CMTR1: variants seen among roughly 807,000 people sequenced by gnomAD.
CMTR1 encodes the protein cap methyltransferase 1.
In CMTR1, 39 loss-of-function variants were observed where a neutral mutation model predicts 107.0. That is an observed-to-expected ratio of 0.36 (90% CI 0.28 to 0.48). The LOEUF is 0.48. Among genes scored for constraint, CMTR1 ranks in the 20% least tolerant of loss-of-function variants. CMTR1 has a pLI of 0.99. For missense variants in CMTR1, 672 were observed against 1,064.9 expected, an observed-to-expected ratio of 0.63 and a Z score of 5.14; for synonymous variants, 366 against 379.5, an observed-to-expected ratio of 0.96 and a Z score of 0.41.
At chr6:37,470,929 TG>T in intron 13 of CMTR1, 91 bp from the exon 14 acceptor site, 1 of 986,012 alleles carries the variant, frequency 1.0e-6, no homozygotes, top group Non-Finnish European at 1.5e-6. Context: ...CAAATATAGA[TG>T]GCCACTGCTC....
At position 37,437,497 on chromosome 6, in the gene CMTR1, A is replaced by G. The variant is rs951641174; in HGVS notation, c.133+1735A>G. 3.1e-4 allele frequency among the ~76,000 whole-genome samples: 43 copies of G among 139,578 alleles called. 1 individual carries two copies. Among genetic ancestry groups the G allele is most frequent in the Non-Finnish European group, 5.9e-4 (39 of 66,092 alleles). 91.6% of individuals were successfully genotyped at this position (139,578 alleles called of 152,430 possible). ...AGCCGAGATTGTGCCACTGCACTACACGGAGCAAGAGTCCGTCTCAAAAAA... is the reference window on the plus strand; with the variant it reads ...AGCCGAGATTGTGCCACTGCACTACGCGGAGCAAGAGTCCGTCTCAAAAAA... On this transcript the variant is annotated intron_variant, in intron 2 of 23. Transcript: ENST00000373451.
chr6:37,451,888 G>T lies in CMTR1; in HGVS notation c.609+11G>T, dbSNP rs751822397. The T allele has an allele frequency of 1.2e-6, 2 of 1,609,240 alleles. No homozygotes were observed. Among genetic ancestry groups the T allele is most frequent in the Non-Finnish European group, 1.7e-6 (2 of 1,176,994 alleles). On this transcript the variant is annotated intron_variant, in intron 6 of 23. Coordinates refer to ENST00000373451, the MANE Select transcript of CMTR1 (RefSeq NM_015050.3). ...GTGTTGCAGTGTAAGGTAAGGTCTT[G>T]TGGCTAGAACCAGATAATGAAAACC...
In CMTR1 at chr6:37,480,966, C is replaced by A; in HGVS notation, c.*821C>A. The A allele has an allele frequency of 7.9e-7, 1 of 1,268,474 alleles. No individual in the cohort carries two copies. The highest frequency in any genetic ancestry group is 2.5e-5 in the Admixed American group (1 of 39,862). 78.6% of individuals were successfully genotyped at this position (1,268,474 alleles called of 1,614,324 possible). On this transcript the variant is annotated 3_prime_UTR_variant, in exon 24 of 24. Coordinates refer to ENST00000373451, the MANE Select transcript of CMTR1 (RefSeq NM_015050.3). The stretch of plus-strand genomic sequence containing the variant: ...TCCCCCACAGCAGCAGGGGCCCCAG[C>A]AGTAACAAAGGGTACCTCCAGGGGT...
chr6:37,436,346 G>A (rs1771531670), intron 2 of CMTR1: 1 of 152,204 alleles, frequency 6.6e-6, no homozygotes, highest in South Asian at 2.1e-4. Context: ...TCTGAGGAAT[G>A]GTAAAATGTC....
In CMTR1 at chr6:37,479,187, G is replaced by A. The variant is rs145196415; in HGVS notation, c.2307G>A (p.Lys769=). The change falls in exon 23 of 24, where the codon AAG becomes AAA. Residue 769 remains lysine (K), a synonymous_variant. Transcript: ENST00000373451. ...GATTCAGCAAAAGCTTCAAGAAGAA[G>A]TTCTTCTACAACAAGAAAACCAAGG... The part of the protein sequence containing the change: ...TMGFSKSFKK[K]FFYNKKTKDS... 45 of 1,614,042 alleles carry A rather than the reference G, an allele frequency of 2.8e-5. No individual in the cohort carries two copies. In the African/African-American group the frequency reaches 3.3e-4, roughly 12 times the overall value.
chr6:37,477,975 G>A (rs1761772244), intron 21 of CMTR1, among the ~76,000 whole-genome samples: 2 of 152,240 alleles, frequency 1.3e-5, no homozygotes. Context: ...GCTGCTGAGA[G>A]AGAAATTGAG....
chr6:37,443,937 G>A (rs1771726874), intron 2 of CMTR1, 62 bp from the exon 3 acceptor site: 6 of 1,559,570 alleles, frequency 3.8e-6, no homozygotes, highest in Non-Finnish European at 5.2e-6. Context: ...AATGAAACTT[G>A]GATGTCTGGA....
rs1761839679 is a variant in CMTR1 at position 37,480,861 on chromosome 6, G to A, written c.*716G>A. Reference sequence around the variant, plus strand: ...TTCGTACTGAGTATGGAGTTGTAGAGCCATCCTAGGTGCCATCCCCTTTTG... The same window carrying A: ...TTCGTACTGAGTATGGAGTTGTAGAACCATCCTAGGTGCCATCCCCTTTTG... On this transcript the variant is annotated 3_prime_UTR_variant, in exon 24 of 24. Transcript: ENST00000373451. 1 of 1,190,754 alleles carries A rather than the reference G, an allele frequency of 8.4e-7. No individual in the cohort carries two copies. Among genetic ancestry groups the A allele is most frequent in the Non-Finnish European group, 1.1e-6 (1 of 944,150 alleles). The allele number at this position is 1,190,754 out of a possible 1,614,324, so 73.8% of individuals were successfully genotyped here. A position where few individuals can be genotyped will look rare whatever the true frequency, so the allele number is the denominator to read the frequency against.
In CMTR1 at chr6:37,472,637, G is replaced by A. The variant is rs1761651461; in HGVS notation, c.1689+150G>A. 4 of 746,708 alleles carry A rather than the reference G, an allele frequency of 5.4e-6. No homozygotes were observed. The highest frequency in any genetic ancestry group is 2.3e-5 in the Admixed American group (1 of 43,256). The allele number at this position is 746,708 out of a possible 1,614,324, so 46.3% of individuals were successfully genotyped here. A position where few individuals can be genotyped will look rare whatever the true frequency, so the allele number is the denominator to read the frequency against. Reference sequence around the variant, plus strand: ...AGGGGCGGAGCTAAGGCTGCCACAGGTGGGAACCTTTGGTATAGGGTGTTG... The same window carrying A: ...AGGGGCGGAGCTAAGGCTGCCACAGATGGGAACCTTTGGTATAGGGTGTTG... On this transcript the variant is annotated intron_variant, in intron 16 of 23. Coordinates refer to ENST00000373451, the MANE Select transcript of CMTR1 (RefSeq NM_015050.3). This position sits in a 1 kb window ranked among gnomAD's most constrained non-coding sequence, Gnocchi z 4.1.
intron 2 of CMTR1, among the ~76,000 whole-genome samples, chr6:37,436,060 A>G (rs1771522327): frequency 6.6e-6 from 1 of 152,342 alleles, no homozygotes; most frequent in Non-Finnish European, 1.5e-5. Context: ...AGTGGTGAGC[A>G]TTGAGTGCTG....
Position 37,480,290 on chromosome 6 carries a change from C to G in CMTR1, c.*145C>G. The G allele has an allele frequency of 6.2e-6, 9 of 1,455,912 alleles. No homozygotes were observed. The highest frequency in any genetic ancestry group is 1.5e-5 in the South Asian group (1 of 68,960). 90.2% of individuals were successfully genotyped at this position (1,455,912 alleles called of 1,614,324 possible). A position where few individuals can be genotyped will look rare whatever the true frequency, so the allele number is the denominator to read the frequency against. ...GCATGAGGAGTGGGTGGCCTCCTCT[C>G]CATCCCCTGAAGAGCTCAGGCAGGG... is the stretch of plus-strand genomic sequence containing the variant. On this transcript the variant is annotated 3_prime_UTR_variant, in exon 24 of 24. Coordinates refer to ENST00000373451, the MANE Select transcript of CMTR1 (RefSeq NM_015050.3).
intron 13 of CMTR1, among the ~76,000 whole-genome samples, chr6:37,467,380 T>C (rs762647932): frequency 7.2e-5 from 11 of 152,236 alleles, no homozygotes; most frequent in Non-Finnish European, 1.5e-4. Flanking sequence ...CTGTATGATT[T>C]TGATCCTTTG....
At position 37,472,312 on chromosome 6, in the gene CMTR1, A is replaced by G; in HGVS notation, c.1621-107A>G. The G allele has an allele frequency of 2.0e-6, 2 of 980,056 alleles. No individual in the cohort carries two copies. The highest frequency in any genetic ancestry group is 3.3e-6 in the Non-Finnish European group (2 of 611,960). 60.7% of individuals were successfully genotyped at this position (980,056 alleles called of 1,614,324 possible). On this transcript the variant is annotated intron_variant, in intron 15 of 23. Transcript: ENST00000373451. The surrounding 1 kb of genome is among the most constrained non-coding windows in gnomAD (Gnocchi z 4.1). ...AGCCTAGCCTCCTTTGTTGTGTGCC[A>G]TTCCTCCTCCCCAGTCTGACCCTAT...
chr6:37,440,139 T>C (rs1771638707), intron 2 of CMTR1, among the ~76,000 whole-genome samples: 1 of 152,196 alleles, frequency 6.6e-6, no homozygotes, highest in Non-Finnish European at 1.5e-5. Flanking sequence ...GGCTCTCTGG[T>C]AGGTTTTAGG....
chr6:37,434,760 G>C (rs1771484872), intron 1 of CMTR1, among the ~76,000 whole-genome samples: 1 of 152,032 alleles, frequency 6.6e-6, no homozygotes, highest in African/African-American at 2.4e-5. Context: ...ACAGGCATGT[G>C]CCACCACCCG....
At chr6:37,441,457 C>A (rs1339778692) in intron 2 of CMTR1, among the ~76,000 whole-genome samples, 1 of 151,782 alleles carries the variant, frequency 6.6e-6, no homozygotes, top group Non-Finnish European at 1.5e-5. Flanking sequence ...TCTTGTTGCC[C>A]AGGCTGGAGT....
At chr6:37,463,947 G>C (rs977337599) in intron 13 of CMTR1, among the ~76,000 whole-genome samples, 1 of 152,166 alleles carries the variant, frequency 6.6e-6, no homozygotes, top group African/African-American at 2.4e-5. Flanking sequence ...TAACACTTCT[G>C]GGTTATGGAA....
upstream of CMTR1, among the ~76,000 whole-genome samples, chr6:37,429,224 G>A (rs1218423658): frequency 2.0e-5 from 3 of 151,794 alleles, no homozygotes; most frequent in South Asian, 4.2e-4. Context: ...TTTTGTTACT[G>A]TACTTTTTAA....
Position 37,458,478 on chromosome 6 carries a change from G to T in CMTR1, c.778-134G>T. 1.3e-6 allele frequency: 1 copy of T among 764,172 alleles called. No homozygotes were observed. 47.3% of individuals were successfully genotyped at this position (764,172 alleles called of 1,614,324 possible). On this transcript the variant is annotated intron_variant, in intron 8 of 23. Coordinates refer to ENST00000373451, the MANE Select transcript of CMTR1 (RefSeq NM_015050.3). The surrounding 1 kb of genome is among the most constrained non-coding windows in gnomAD (Gnocchi z 4.7). ...AATCACCAGAAGATACATTTCCTGGGTGCTGTAGCTCTGGTGGGAGCTCTG... is the reference window on the plus strand; with the variant it reads ...AATCACCAGAAGATACATTTCCTGGTTGCTGTAGCTCTGGTGGGAGCTCTG...
Sources: gnomAD v4.1 joint callset for allele counts (sites outside exome capture counted in the v4.1 genomes callset) on GRCh38, gnomAD v4.1.1 for gene constraint, Gnocchi (gnomAD v3.1) non-coding constraint, MANE v1.5 for transcripts, NCBI Gene and HGNC (gene_info 2026-07-23, HGNC 2026-07-21) for gene names.